Variants in TPH2 observed in about 807,000 individuals in gnomAD.
TPH2 encodes tryptophan hydroxylase 2.
In TPH2, 27 loss-of-function variants were observed where a neutral mutation model predicts 59.1. The ratio of observed to expected loss-of-function variants is 0.46; its 90% CI spans 0.34 to 0.63. The LOEUF is 0.63. Among genes scored for constraint, TPH2 ranks in the 30% least tolerant of loss-of-function variants. TPH2 has a pLI of 0.01. For synonymous variants in TPH2, 220 were observed against 210.5 expected (o/e 1.05, Z -0.39); for missense variants, 523 against 588.3 (o/e 0.89, Z 1.15).
rs1231614620 is a variant in TPH2 at position 71,963,443 on chromosome 12, C to CAT, written c.609-9063_609-9062dup. On this transcript the variant is annotated intron_variant, in intron 5 of 10. Coordinates refer to ENST00000333850, the MANE Select transcript of TPH2 (RefSeq NM_173353.4). Reference sequence around the variant, plus strand: ...ATGTATTAGTGTGTGTATATACATACATATATATATATATGTATGTATATA... The same window carrying CAT: ...ATGTATTAGTGTGTGTATATACATACATATATATATATATATGTATGTATATA... 9.6e-4 allele frequency among the ~76,000 whole-genome samples: 33 copies of CAT among 34,540 alleles called. 13 individuals carry two copies. The highest frequency in any genetic ancestry group is 5.1e-3 in the Admixed American group (17 of 3,330). The allele number at this position is 34,540 out of a possible 152,430, so 22.7% of individuals were successfully genotyped here.
At chr12:71,991,922 A>G (rs1326338587) in intron 7 of TPH2, among the ~76,000 whole-genome samples, 1 of 152,208 alleles carries the variant, frequency 6.6e-6, no homozygotes, top group Non-Finnish European at 1.5e-5. Context: ...TCCTAGAGTC[A>G]TCAGTTATCA....
chr12:71,987,310 A>AT (rs1398067420), intron 7 of TPH2, among the ~76,000 whole-genome samples: 4 of 152,218 alleles, frequency 2.6e-5, no homozygotes, highest in African/African-American at 7.2e-5. Flanking sequence ...GAGTTAAAAA[A>AT]GCAGTTATTG....
rs778748809 is a variant in TPH2, at chr12:71,978,969, G to T, written c.823G>T (p.Val275Leu). ...CTTTTTAGAAAGGTCTGGCTTCACGGTGAGGCCGGTGGCTGGATACCTGAG... is the reference window on the plus strand; with the variant it reads ...CTTTTTAGAAAGGTCTGGCTTCACGTTGAGGCCGGTGGCTGGATACCTGAG... ...MFLKERSGFT[V>L]RPVAGYLSPR... is the part of the protein sequence containing the mutation. The change falls in exon 7 of 11, where the codon GTG becomes TTG. Residue 275 changes from valine to leucine, a missense_variant. Coordinates refer to ENST00000333850, the MANE Select transcript of TPH2 (RefSeq NM_173353.4). 1.7e-5 allele frequency: 28 copies of T among 1,614,098 alleles called. No individual in the cohort carries two copies. The South Asian group carries it at 2.0e-4, about 11-fold the overall frequency.
chr12:71,962,134 T>C (rs1220685386), intron 5 of TPH2: 2 of 990,094 alleles, frequency 2.0e-6, no homozygotes, highest in East Asian at 2.2e-4. Context: ...GTCGTGGGGC[T>C]CCTAACCTCC....
At position 72,031,609 on chromosome 12, in the gene TPH2, A is replaced by G. The variant is rs1873724442; in HGVS notation, c.1387A>G (p.Ile463Val). The change falls in exon 11 of 11, where the codon ATT becomes GTT. Residue 463 changes from isoleucine to valine, a missense_variant. Transcript: ENST00000333850. ...TGAAATTCTGAAAGACACCAGAAGT[A>G]TTGAAAATGTGGTGCAGGACCTTCG... Reference protein sequence around the residue: ...SIEILKDTRSIENVVQDLRSD... With the variant: ...SIEILKDTRSVENVVQDLRSD... The G allele has an allele frequency of 2.0e-5, 32 of 1,613,562 alleles. No homozygotes were observed. The highest frequency in any genetic ancestry group is 1.6e-4 in the Middle Eastern group (1 of 6,080).
chr12:72,022,886 C>G (rs1418512119), intron 9 of TPH2, among the ~76,000 whole-genome samples: 2 of 152,192 alleles, frequency 1.3e-5, no homozygotes, highest in South Asian at 4.1e-4. Flanking sequence ...CTCCCTGGCT[C>G]CTTTGGACTC....
chr12:72,006,747 G>A (rs1872963262), intron 8 of TPH2, among the ~76,000 whole-genome samples: 1 of 152,066 alleles, frequency 6.6e-6, no homozygotes, highest in Non-Finnish European at 1.5e-5. Flanking sequence ...TTAGAATTTG[G>A]TTAAGATTAA....
At chr12:72,005,598 A>G (rs1872934150) in intron 8 of TPH2, among the ~76,000 whole-genome samples, 1 of 152,212 alleles carries the variant, frequency 6.6e-6, no homozygotes, top group Admixed American at 6.5e-5. Context: ...GCATCCATTT[A>G]TCAAACACTT....
At chr12:71,991,776 T>G (rs748779735) in intron 7 of TPH2, among the ~76,000 whole-genome samples, 6 of 152,196 alleles carry the variant, frequency 3.9e-5, no homozygotes, top group Non-Finnish European at 8.8e-5. Flanking sequence ...CCCATCTACC[T>G]CTCAGTCACC....
chr12:72,023,548 G>A (rs1873481870), intron 9 of TPH2, among the ~76,000 whole-genome samples: 1 of 152,108 alleles, frequency 6.6e-6, no homozygotes, highest in African/African-American at 2.4e-5. Context: ...TAAGAAGAAA[G>A]GCCAGGTGCA....
intron 7 of TPH2, among the ~76,000 whole-genome samples, chr12:71,980,196 G>T (rs1035342104): frequency 2.0e-5 from 3 of 152,140 alleles, no homozygotes; most frequent in African/African-American, 7.2e-5. Context: ...CTGAGGCTGG[G>T]AGCTCTGGGT....
At position 71,972,588 on chromosome 12, in the gene TPH2, G is replaced by A. The variant is rs149833912; in HGVS notation, c.678G>A (p.Glu226=). 9 of 1,613,988 alleles carry A rather than the reference G, an allele frequency of 5.6e-6. No individual in the cohort carries two copies. Among genetic ancestry groups the A allele is most frequent in the East Asian group, 4.5e-5 (2 of 44,884 alleles). The change falls in exon 6 of 11, where the codon GAG becomes GAA. Residue 226 remains glutamate, a synonymous_variant. Transcript: ENST00000333850. ...AAACTTGGGGTGTTGTATTCCGGGAGCTCTCCAAACTCTATCCCACTCATG... is the reference window on the plus strand; with the variant it reads ...AAACTTGGGGTGTTGTATTCCGGGAACTCTCCAAACTCTATCCCACTCATG... ...ETKTWGVVFR[E]LSKLYPTHAC...
At chr12:71,966,680 C>A (rs142368958) in intron 5 of TPH2, among the ~76,000 whole-genome samples, 138 of 152,336 alleles carry the variant, frequency 9.1e-4, no homozygotes, top group African/African-American at 3.2e-3. Context: ...TTATCTTCTG[C>A]TCTGTTTGCT....
intron 7 of TPH2, among the ~76,000 whole-genome samples, chr12:71,992,864 A>G (rs1303318005): frequency 4.6e-5 from 7 of 152,354 alleles, no homozygotes; most frequent in African/African-American, 1.7e-4. Flanking sequence ...CATATGTAAA[A>G]TGAAGGGCTT....
intron 4 of TPH2, among the ~76,000 whole-genome samples, chr12:71,946,132 C>T (rs1301709906): frequency 6.6e-6 from 1 of 152,046 alleles, no homozygotes; most frequent in African/African-American, 2.4e-5. Context: ...ACCTCAAGTT[C>T]TTTATGTAAA....
intron 7 of TPH2, among the ~76,000 whole-genome samples, chr12:71,985,006 A>G (rs1369778386): frequency 6.6e-6 from 1 of 152,252 alleles, no homozygotes; most frequent in East Asian, 1.9e-4. Context: ...TTTATTATGA[A>G]TAGCAAACAT....
intron 5 of TPH2, among the ~76,000 whole-genome samples, chr12:71,951,434 G>A (rs1016701422): frequency 6.6e-6 from 1 of 152,204 alleles, no homozygotes; most frequent in African/African-American, 2.4e-5. Context: ...CTTAGATAAA[G>A]TAGATAGCTT....
At chr12:71,990,665 T>G (rs1431770587) in intron 7 of TPH2, among the ~76,000 whole-genome samples, 9 of 152,222 alleles carry the variant, frequency 5.9e-5, no homozygotes, top group Admixed American at 5.2e-4. Context: ...AATATGGTGT[T>G]TATTTCTGAG....
intron 7 of TPH2, among the ~76,000 whole-genome samples, chr12:71,980,718 C>G (rs1317587656): frequency 1.3e-5 from 2 of 152,076 alleles, no homozygotes; most frequent in Non-Finnish European, 2.9e-5. Flanking sequence ...TGTTAGTTCC[C>G]TTTGAATAAC....
Sources: gnomAD v4.1 joint callset for allele counts (sites outside exome capture counted in the v4.1 genomes callset) on GRCh38, gnomAD v4.1.1 for gene constraint, MANE v1.5 for transcripts, NCBI Gene and HGNC (gene_info 2026-07-23, HGNC 2026-07-21) for gene names.